Variants in GALNS observed in about 807,000 individuals in gnomAD.
GALNS encodes N-acetylgalactosamine-6-sulfatase.
GALNS carries 65 observed loss-of-function variants against 65.9 expected under a neutral mutation model. That is an observed-to-expected ratio of 0.99 (90% CI 0.81 to 1.21). GALNS has a LOEUF of 1.21. GALNS is among the 50% of genes most tolerant of loss of function. The pLI is 0.00. For missense variants in GALNS, 776 were observed against 700.7 expected (o/e 1.11, Z -1.21); for synonymous variants, 346 against 288.9 (o/e 1.20, Z -2.00).
intron 13 of GALNS, chr16:88,817,358 T>C (rs1263690787): frequency 2.0e-6 from 2 of 985,436 alleles, no homozygotes; most frequent in African/African-American, 3.5e-5. Flanking sequence ...GTTTCTCTAC[T>C]GGAGGTGAAC....
intron 1 of GALNS, among the ~76,000 whole-genome samples, chr16:88,847,962 G>A (rs1597592197): frequency 6.6e-6 from 1 of 152,192 alleles, no homozygotes; most frequent in Admixed American, 6.5e-5. Flanking sequence ...ATCCATGGGT[G>A]GAAGCCTCAG....
intron 1 of GALNS, 90 bp from the exon 2 acceptor site, chr16:88,842,919 G>C: frequency 2.6e-6 from 4 of 1,562,544 alleles, no homozygotes; most frequent in Non-Finnish European, 3.5e-6. Context: ...GAGCGTGTCG[G>C]GGACCGTGGA....
In GALNS at chr16:88,826,583, C is replaced by A. The variant is rs1275481004; in HGVS notation, c.1139+119G>T. 3.2e-6 allele frequency: 4 copies of A among 1,257,436 alleles called. No homozygotes were observed. In the East Asian group the frequency reaches 9.4e-5, roughly 30 times the overall value. The allele number at this position is 1,257,436 out of a possible 1,614,324, so 77.9% of individuals were successfully genotyped here. A position where few individuals can be genotyped will look rare whatever the true frequency, so the allele number is the denominator to read the frequency against. On this transcript the variant is annotated intron_variant, in intron 10 of 13. Transcript: ENST00000268695. ...CCCCTGCCTCCTCCTGCCCTGGGCACGAGCACGCCTGTGTCCAGAACCAGG... is the reference window on the plus strand; with the variant it reads ...CCCCTGCCTCCTCCTGCCCTGGGCAAGAGCACGCCTGTGTCCAGAACCAGG...
At chr16:88,839,564 G>T (rs916685562) in intron 4 of GALNS, among the ~76,000 whole-genome samples, 1 of 152,220 alleles carries the variant, frequency 6.6e-6, no homozygotes, top group African/African-American at 2.4e-5. Flanking sequence ...TCCAGGTGAG[G>T]GGCCTCAGGG....
At chr16:88,828,675 T>C (rs1322555634) in intron 9 of GALNS, among the ~76,000 whole-genome samples, 1 of 152,250 alleles carries the variant, frequency 6.6e-6, no homozygotes, top group Non-Finnish European at 1.5e-5. Context: ...GCGAGGCAGA[T>C]GGCAAGGTTC....
chr16:88,840,634 C>G, intron 4 of GALNS: 5 of 378,304 alleles, frequency 1.3e-5, no homozygotes, highest in South Asian at 1.1e-4. Context: ...TCCTCCGCCA[C>G]AGCTCCTGTG....
At chr16:88,824,971 G>A (rs946920353) in intron 10 of GALNS, 102 bp from the exon 11 acceptor site, 18 of 885,920 alleles carry the variant, frequency 2.0e-5, no homozygotes, top group Admixed American at 3.8e-5. Context: ...ATGCCTCCAC[G>A]TGAGGTCTTG....
intron 10 of GALNS, among the ~76,000 whole-genome samples, chr16:88,825,085 G>GGAGCTCCT (rs1433730711): frequency 1.1e-3 from 159 of 143,924 alleles, no homozygotes; most frequent in Admixed American, 2.5e-3. Flanking sequence ...GGCCAGGGCT[G>GGAGCTCCT]GGGTGACTGG....
intron 8 of GALNS, among the ~76,000 whole-genome samples, chr16:88,833,291 G>C (rs1283629085): frequency 6.6e-6 from 1 of 152,054 alleles, no homozygotes; most frequent in Non-Finnish European, 1.5e-5. Context: ...CTGTCTCAGG[G>C]AGGGCCCTGC....
At chr16:88,853,822 G>A (rs1409442102) in intron 1 of GALNS, among the ~76,000 whole-genome samples, 1 of 152,136 alleles carries the variant, frequency 6.6e-6, no homozygotes, top group Non-Finnish European at 1.5e-5. Context: ...AGGTAGACCC[G>A]TCCTTGCCCG....
intron 13 of GALNS, 189 bp from the exon 14 acceptor site, chr16:88,814,714 C>T: frequency 2.4e-6 from 1 of 417,824 alleles, no homozygotes; most frequent in Non-Finnish European, 3.2e-6. Context: ...CTGCCTCAGC[C>T]TCCTGAGTGA....
chr16:88,838,006 G>C, intron 4 of GALNS: 3 of 526,212 alleles, frequency 5.7e-6, no homozygotes, highest in Non-Finnish European at 1.0e-5. Context: ...AGGCATGGCG[G>C]CGGCCGGGGT....
At chr16:88,821,004 C>T (rs1489738645) in intron 12 of GALNS, among the ~76,000 whole-genome samples, 1 of 152,188 alleles carries the variant, frequency 6.6e-6, no homozygotes, top group African/African-American at 2.4e-5. Context: ...ACAGCCCCTC[C>T]AGCTCCACAA....
At chr16:88,856,264 C>G (rs367683129) in intron 1 of GALNS, 1 of 703,004 alleles carries the variant, frequency 1.4e-6, no homozygotes. Flanking sequence ...TGGAGCCCAG[C>G]GGGGGGACCC....
At chr16:88,850,886 C>CA (rs1387748144) in intron 1 of GALNS, among the ~76,000 whole-genome samples, 1 of 152,212 alleles carries the variant, frequency 6.6e-6, no homozygotes, top group Non-Finnish European at 1.5e-5. Context: ...GTGGCATGTG[C>CA]AAAAACAGTG....
rs150967964 is a variant in GALNS at position 88,827,579 on chromosome 16, T to TG, written c.1003-742dup. On this transcript the variant is annotated intron_variant, in intron 9 of 13. Transcript: ENST00000268695. ...CTCCTGACTCAGTCTCCCGAGAAGCTGGGATTACAGGTATGTGTCACTACG... is the reference window on the plus strand; with the variant it reads ...CTCCTGACTCAGTCTCCCGAGAAGCTGGGGATTACAGGTATGTGTCACTACG... Among the ~76,000 whole-genome samples, 747 of 152,282 alleles carry TG rather than the reference T, an allele frequency of 4.9e-3. 10 individuals are homozygous for TG. Among genetic ancestry groups the TG allele is most frequent in the African/African-American group, 0.017 (700 of 41,568 alleles).
intron 9 of GALNS, among the ~76,000 whole-genome samples, chr16:88,830,673 G>A (rs534557961): frequency 1.3e-5 from 2 of 152,328 alleles, no homozygotes; most frequent in South Asian, 2.1e-4. Flanking sequence ...ATTCTCAACC[G>A]AGGGGCAGCT....
chr16:88,826,907 T>C (rs1597548071), intron 9 of GALNS, 69 bp from the exon 10 acceptor site: 1 of 1,534,536 alleles, frequency 6.5e-7, no homozygotes, highest in Non-Finnish European at 8.8e-7. Flanking sequence ...GGCCAATCCC[T>C]GGGGGGGCGT....
At chr16:88,827,104 G>A in intron 9 of GALNS, 1 of 574,296 alleles carries the variant, frequency 1.7e-6, no homozygotes, top group Non-Finnish European at 3.1e-6. Context: ...GATGAAAGGA[G>A]AATCACAGCC....
Sources: allele counts gnomAD v4.1 joint callset (sites outside exome capture counted in the v4.1 genomes callset), GRCh38; gene constraint gnomAD v4.1.1; transcripts MANE v1.5; gene names NCBI Gene and HGNC (gene_info 2026-07-23, HGNC 2026-07-21).